Variants in GREB1 observed in about 807,000 individuals in gnomAD.
GREB1 encodes protein GREB1.
Under a neutral mutation model 200.7 loss-of-function variants are expected in GREB1, and 106 were observed. The ratio of observed to expected loss-of-function variants is 0.53; its 90% CI spans 0.45 to 0.62. The LOEUF (loss-of-function observed/expected upper bound fraction) is 0.62. Ranked by LOEUF, GREB1 falls within the 20% of genes least tolerant of loss-of-function variation. The pLI is 0.00. For missense variants in GREB1, 2,243 were observed against 2,556.8 expected (o/e 0.88, Z 2.65); for synonymous variants, 1,132 against 1,092.4 (o/e 1.04, Z -0.72).
intron 1 of GREB1, among the ~76,000 whole-genome samples, chr2:11,546,393 G>A (rs1675283464): frequency 6.6e-6 from 1 of 152,060 alleles, no homozygotes; most frequent in African/African-American, 2.4e-5. Flanking sequence ...ACATATATAT[G>A]TATACAACAT....
intron 1 of GREB1, among the ~76,000 whole-genome samples, chr2:11,523,505 G>T (rs989215261): frequency 2.0e-5 from 3 of 152,188 alleles, no homozygotes; most frequent in Admixed American, 1.3e-4. Context: ...AAACTCTGTT[G>T]ATTGGTACGG....
At chr2:11,528,563 A>G (rs546067008) in intron 1 of GREB1, among the ~76,000 whole-genome samples, 7 of 152,000 alleles carry the variant, frequency 4.6e-5, no homozygotes, top group Non-Finnish European at 1.0e-4. Flanking sequence ...ATTCACAATC[A>G]CAATTATAGT....
chr2:11,556,898 A>G, intron 2 of GREB1, 127 bp downstream of exon 2: 1 of 711,678 alleles, frequency 1.4e-6, no homozygotes, highest in East Asian at 3.0e-5. Context: ...AATTATTAGA[A>G]AAAGAAAACT....
chr2:11,610,597 G>A (rs1682828531), intron 17 of GREB1, 91 bp from the exon 18 acceptor site: 1 of 971,454 alleles, frequency 1.0e-6, no homozygotes, highest in Non-Finnish European at 1.6e-6. Flanking sequence ...GGAGTTGCCT[G>A]TGGTAGAGTG....
At position 11,556,704 on chromosome 2, in the gene GREB1, C is replaced by T. The variant is rs1280663999; in HGVS notation, c.90C>T (p.Asn30=). 2 of 1,614,098 alleles carry T rather than the reference C, an allele frequency of 1.2e-6. No individual in the cohort carries two copies. Among genetic ancestry groups the T allele is most frequent in the Non-Finnish European group, 1.7e-6 (2 of 1,179,952 alleles). The part of the protein sequence containing the change: ...NSIEASLRSN[N]LVPRPIFSQL... ...TCGAGGCATCCCTGCGGTCCAACAA[C>T]CTGGTGCCCAGGCCCATCTTTTCCC... is the stretch of plus-strand genomic sequence containing the variant. Residue 30 remains asparagine (N), a synonymous_variant, in exon 2 of 33, where the codon AAC becomes AAT. Transcript: ENST00000381486.
chr2:11,586,849 G>C (rs1042239107), intron 9 of GREB1, among the ~76,000 whole-genome samples: 1 of 152,186 alleles, frequency 6.6e-6, no homozygotes, highest in Non-Finnish European at 1.5e-5. Flanking sequence ...GACCGAGGCA[G>C]TTCCACTGGG....
intron 1 of GREB1, among the ~76,000 whole-genome samples, chr2:11,525,803 C>T (rs1004842757): frequency 6.6e-6 from 1 of 152,170 alleles, no homozygotes; most frequent in African/African-American, 2.4e-5. Context: ...CATCTAGATT[C>T]TCCTGGCCCC....
intron 3 of GREB1, among the ~76,000 whole-genome samples, chr2:11,566,019 T>TTATATATATA (rs60231852): frequency 0.025 from 3,775 of 148,984 alleles, 137 homozygotes; most frequent in African/African-American, 0.077. Flanking sequence ...ATAACTATGA[T>TTATATATATA]TATATATATA....
At chr2:11,637,329 A>C (rs1685462805) in intron 30 of GREB1, among the ~76,000 whole-genome samples, 1 of 149,506 alleles carries the variant, frequency 6.7e-6, no homozygotes, top group South Asian at 2.2e-4. Flanking sequence ...TGGGATGCTG[A>C]CTGTGGGTGG....
At chr2:11,609,490 A>G (rs1165006517) in intron 17 of GREB1, among the ~76,000 whole-genome samples, 1 of 152,050 alleles carries the variant, frequency 6.6e-6, no homozygotes, top group Non-Finnish European at 1.5e-5. Flanking sequence ...GGTGGCCTCA[A>G]ACTCCTGACC....
chr2:11,516,204 C>A (rs1355237634), intron 1 of GREB1, among the ~76,000 whole-genome samples: 1 of 152,136 alleles, frequency 6.6e-6, no homozygotes, highest in Non-Finnish European at 1.5e-5. Flanking sequence ...AGCTTTTTCT[C>A]CTTAGTCCAG....
At chr2:11,489,816 A>G (rs7597865) in intron 1 of GREB1, among the ~76,000 whole-genome samples, 144,351 of 152,096 alleles carry the variant, frequency 0.95, 68,907 homozygotes, top group Non-Finnish European at 1. Context: ...ACAACTCAGC[A>G]AAGTTGTTAT....
Position 11,522,173 on chromosome 2 carries a change from A to AT in GREB1, c.-158-34275dup, listed in dbSNP as rs954395647. 1.7e-4 allele frequency among the ~76,000 whole-genome samples: 25 copies of AT among 151,432 alleles called. No homozygotes were observed. The South Asian group carries it at 1.7e-3, about 10-fold the overall frequency. On this transcript the variant is annotated intron_variant, in intron 1 of 2. Coordinates refer to the GREB1 transcript ENST00000628795. ...TTTGCATTATAAGATTTTCAAGTAG[A>AT]TTTTTTTTTGGGTGTTAACATTAAT...
intron 7 of GREB1, among the ~76,000 whole-genome samples, chr2:11,584,279 A>G (rs985255454): frequency 6.6e-6 from 1 of 152,204 alleles, no homozygotes. Context: ...ATTTTGAACC[A>G]TTCACGAAGA....
intron 4 of GREB1, among the ~76,000 whole-genome samples, chr2:11,571,956 C>T (rs1186645938): frequency 6.6e-6 from 1 of 152,228 alleles, no homozygotes; most frequent in East Asian, 1.9e-4. Context: ...CCTGCTCCGC[C>T]TGCCTGCGCC....
chr2:11,580,558 TC>T lies in GREB1; in HGVS notation c.773-145del. On this transcript the variant is annotated intron_variant, in intron 6 of 32. Coordinates refer to ENST00000381486, the MANE Select transcript of GREB1 (RefSeq NM_014668.4). This position sits in a 1 kb window ranked among gnomAD's most constrained non-coding sequence, Gnocchi z 4.5. ...CATGTATCTTCTCAGTGTAGCAGAA[TC>T]ACTGTTGGGCATTCTGACCTCCTGA... 2 of 832,848 alleles carry T rather than the reference TC, an allele frequency of 2.4e-6. No homozygotes were observed. Among genetic ancestry groups the T allele is most frequent in the Admixed American group, 4.5e-5 (2 of 44,234 alleles). The allele number at this position is 832,848 out of a possible 1,614,324, so 51.6% of individuals were successfully genotyped here. A position where few individuals can be genotyped will look rare whatever the true frequency, so the allele number is the denominator to read the frequency against.
rs528539016 is a variant in GREB1 at position 11,584,214 on chromosome 2, G to A, written c.902-947G>A. On this transcript the variant is annotated intron_variant, in intron 7 of 32. Coordinates refer to ENST00000381486, the MANE Select transcript of GREB1 (RefSeq NM_014668.4). ...GAAGTTGAGACATGAATCTCTGCAT[G>A]TAGGGGAAATTTTGTGTCTGGTTAG... Among the ~76,000 whole-genome samples the A allele has an allele frequency of 4.6e-5, 7 of 152,302 alleles. No individual in the cohort carries two copies. The South Asian group carries it at 1.2e-3, about 27-fold the overall frequency.
At chr2:11,527,729 C>T (rs186599330) in intron 1 of GREB1, among the ~76,000 whole-genome samples, 1 of 152,196 alleles carries the variant, frequency 6.6e-6, no homozygotes, top group African/African-American at 2.4e-5. Context: ...GGACTCAGCT[C>T]TCATGTAGTT....
At position 11,588,859 on chromosome 2, in the gene GREB1, G is replaced by A. The variant is rs765583940; in HGVS notation, c.1273G>A (p.Gly425Ser). ...TGTCTCACGGGCATACGAGCAGTAC[G>A]GCGCCTCTGCCATCCAGCCCATCTC... Reference protein sequence around the residue: ...QSVSRAYEQYGASAIQPISEE... With the variant: ...QSVSRAYEQYSASAIQPISEE... The change falls in exon 10 of 33, where the codon GGC becomes AGC. Residue 425 changes from glycine to serine, a missense_variant. Physicochemically the swap from Gly to Ser is moderately conservative, Grantham distance 56. This residue lies in a region of GREB1 where 1,178 missense variants were observed against 1,387.4 expected (regional missense o/e 0.85). Coordinates refer to ENST00000381486, the MANE Select transcript of GREB1 (RefSeq NM_014668.4). 9.3e-6 allele frequency: 15 copies of A among 1,613,982 alleles called. No homozygotes were observed. Among genetic ancestry groups the A allele is most frequent in the East Asian group, 4.5e-5 (2 of 44,890 alleles).
Sources: allele counts gnomAD v4.1 joint callset (sites outside exome capture counted in the v4.1 genomes callset), GRCh38; gene constraint gnomAD v4.1.1; regional missense constraint gnomAD v4.1.1; non-coding constraint Gnocchi (gnomAD v3.1); transcripts MANE v1.5; gene names NCBI Gene and HGNC (gene_info 2026-07-23, HGNC 2026-07-21).